CTNND2: variants seen among roughly 807,000 people sequenced by gnomAD.
CTNND2 encodes the protein catenin delta 2, also known as catenin delta-2.
CTNND2 carries 22 observed loss-of-function variants against 144.4 expected under a neutral mutation model. That is an observed-to-expected ratio of 0.15 (90% CI 0.11 to 0.22). The LOEUF (loss-of-function observed/expected upper bound fraction) is 0.22. Among genes scored for constraint, CTNND2 ranks in the 10% least tolerant of loss-of-function variants. The probability of loss-of-function intolerance (pLI) is 1.00; values close to 1 mark genes in which losing one functional copy is unlikely to be tolerated. For missense variants in CTNND2, 1,353 were observed against 1,618.8 expected (o/e 0.84, Z 2.82); for synonymous variants, 751 against 695.6 (o/e 1.08, Z -1.25).
intron 1 of CTNND2, among the ~76,000 whole-genome samples, chr5:11,766,774 C>A (rs143076156): frequency 2.0e-5 from 3 of 152,078 alleles, no homozygotes; most frequent in Admixed American, 6.5e-5. Flanking sequence ...AATAATAACA[C>A]GCTGTGAATT....
chr5:11,088,571 T>C lies in CTNND2; in HGVS notation c.2638-5725A>G, dbSNP rs536355425. On this transcript the variant is annotated intron_variant, in intron 15 of 21. Transcript: ENST00000304623. Reference sequence around the variant, plus strand: ...GTGATCTGGACTTCATGTTTTTCTTTTGGAACCAGAAAACATGCCATTTTT... The same window carrying C: ...GTGATCTGGACTTCATGTTTTTCTTCTGGAACCAGAAAACATGCCATTTTT... Among the ~76,000 whole-genome samples, 8 of 152,312 alleles carry C rather than the reference T, an allele frequency of 5.3e-5. No homozygotes were observed. In the East Asian group the frequency reaches 7.7e-4, roughly 15 times the overall value.
chr5:11,194,109 A>G (rs929977018), intron 11 of CTNND2, among the ~76,000 whole-genome samples: 10 of 152,178 alleles, frequency 6.6e-5, no homozygotes, highest in African/African-American at 2.2e-4. Flanking sequence ...TGTAAGATAC[A>G]AAACAGCCAG....
rs564842676 is a variant in CTNND2 at position 11,146,257 on chromosome 5, C to T, written c.2159+13319G>A. 4.6e-5 allele frequency among the ~76,000 whole-genome samples: 7 copies of T among 152,298 alleles called. No individual in the cohort carries two copies. In the East Asian group the frequency reaches 1.4e-3, roughly 29 times the overall value. ...AGAGATGTGATCCATTTTATCTAAG[C>T]TGTTGATTTAACACTGGGCCAACAA... On this transcript the variant is annotated intron_variant, in intron 12 of 21. Coordinates refer to ENST00000304623, the MANE Select transcript of CTNND2 (RefSeq NM_001332.4).
chr5:11,236,500 A>C (rs1741651009), intron 10 of CTNND2, among the ~76,000 whole-genome samples, 191 bp downstream of exon 10: 1 of 151,722 alleles, frequency 6.6e-6, no homozygotes, highest in Non-Finnish European at 1.5e-5. Flanking sequence ...TTCAAATACT[A>C]AAAAACGAAG....
At chr5:11,737,376 A>C (rs1787744856) in intron 1 of CTNND2, among the ~76,000 whole-genome samples, 1 of 152,184 alleles carries the variant, frequency 6.6e-6, no homozygotes, top group Non-Finnish European at 1.5e-5. Context: ...TGAAGTGGTT[A>C]CCATGTAAGA....
chr5:11,645,189 C>T (rs770640960), intron 2 of CTNND2, among the ~76,000 whole-genome samples: 13 of 152,040 alleles, frequency 8.6e-5, no homozygotes, highest in Non-Finnish European at 1.3e-4. Flanking sequence ...TGGTCTTGAA[C>T]TCCCGGCCTC....
intron 15 of CTNND2, among the ~76,000 whole-genome samples, chr5:11,088,173 T>C (rs1340469365): frequency 6.6e-6 from 1 of 152,232 alleles, no homozygotes; most frequent in East Asian, 1.9e-4. Flanking sequence ...GGGAACTAAA[T>C]ACAACCCTGT....
intron 16 of CTNND2, among the ~76,000 whole-genome samples, chr5:11,043,415 C>T (rs1378250658): frequency 6.6e-6 from 1 of 152,074 alleles, no homozygotes; most frequent in Non-Finnish European, 1.5e-5. Flanking sequence ...ATGCATAAAA[C>T]ATACAGGATT....
intron 1 of CTNND2, among the ~76,000 whole-genome samples, chr5:11,793,684 G>A (rs1321452980): frequency 6.6e-6 from 1 of 152,146 alleles, no homozygotes. Flanking sequence ...GCATGGCACA[G>A]CTGACACCTT....
intron 1 of CTNND2, among the ~76,000 whole-genome samples, chr5:11,792,026 C>T (rs1791158308): frequency 6.6e-6 from 1 of 152,130 alleles, no homozygotes; most frequent in South Asian, 2.1e-4. Flanking sequence ...AATTGACTTG[C>T]TGTCCAAGTC....
intron 1 of CTNND2, among the ~76,000 whole-genome samples, chr5:11,800,469 T>C (rs549432080): frequency 3.7e-4 from 57 of 152,278 alleles, no homozygotes; most frequent in African/African-American, 1.3e-3. Flanking sequence ...AGCGTGATGA[T>C]CTAATTAGCA....
chr5:11,150,697 G>A (rs766277110), intron 12 of CTNND2, among the ~76,000 whole-genome samples: 6 of 141,738 alleles, frequency 4.2e-5, no homozygotes, highest in Non-Finnish European at 6.0e-5. Flanking sequence ...GCATGATCTC[G>A]GCTCACTGCA....
intron 1 of CTNND2, among the ~76,000 whole-genome samples, chr5:11,773,990 A>G (rs1198183931): frequency 6.6e-5 from 10 of 152,142 alleles, no homozygotes; most frequent in Admixed American, 6.5e-4. Context: ...CTTAGAATAG[A>G]TAAAATACTA....
At chr5:11,023,963 T>C (rs190441821) in intron 16 of CTNND2, among the ~76,000 whole-genome samples, 294 of 152,338 alleles carry the variant, frequency 1.9e-3, no homozygotes, top group African/African-American at 4.6e-3. Context: ...ATTTTTCAGA[T>C]GGAATTGGCA....
intron 1 of CTNND2, among the ~76,000 whole-genome samples, chr5:11,746,490 AC>A (rs1384624717): frequency 2.0e-5 from 3 of 152,098 alleles, no homozygotes; most frequent in African/African-American, 7.2e-5. Context: ...ATTAAAAAAA[AC>A]TTTTAATGTT....
At chr5:11,460,157 G>C (rs949490777) in intron 3 of CTNND2, among the ~76,000 whole-genome samples, 1 of 152,138 alleles carries the variant, frequency 6.6e-6, no homozygotes, top group South Asian at 2.1e-4. Flanking sequence ...TACACTCAGA[G>C]GGAGCCTCCA....
At chr5:11,753,242 T>C (rs1206372391) in intron 1 of CTNND2, among the ~76,000 whole-genome samples, 2 of 151,840 alleles carry the variant, frequency 1.3e-5, no homozygotes, top group Admixed American at 1.3e-4. Flanking sequence ...TGGTCATCCT[T>C]GTCTTGTTCC....
intron 18 of CTNND2, among the ~76,000 whole-genome samples, chr5:10,997,615 T>A (rs1739495481): frequency 6.6e-6 from 1 of 151,316 alleles, no homozygotes; most frequent in East Asian, 1.9e-4. Flanking sequence ...AAAATTTAAA[T>A]CCCTGTCTTT....
At chr5:11,826,540 C>A (rs1407902303) in intron 1 of CTNND2, among the ~76,000 whole-genome samples, 1 of 151,566 alleles carries the variant, frequency 6.6e-6, no homozygotes, top group Non-Finnish European at 1.5e-5. Flanking sequence ...TAAATATCAC[C>A]AAATAAAAGG....
Sources: allele counts gnomAD v4.1 joint callset (sites outside exome capture counted in the v4.1 genomes callset), GRCh38; gene constraint gnomAD v4.1.1; transcripts MANE v1.5; gene names NCBI Gene and HGNC (gene_info 2026-07-23, HGNC 2026-07-21).